C6orf163: variants seen among roughly 807,000 people sequenced by gnomAD.
The protein encoded by C6orf163 is chromosome 6 open reading frame 163.
Under a neutral mutation model 28.4 loss-of-function variants are expected in C6orf163, and 22 were observed. The observed-to-expected ratio is 0.78, with a 90% CI of 0.55 to 1.11. The LOEUF (loss-of-function observed/expected upper bound fraction) is 1.11. Ranked by LOEUF, C6orf163 falls within the 50% of genes least tolerant of loss-of-function variation. C6orf163 has a pLI of 0.00. For missense variants in C6orf163, 342 were observed against 389.1 expected (o/e 0.88, Z 1.02); for synonymous variants, 110 against 123.6 (o/e 0.89, Z 0.73).
intron 4 of C6orf163, among the ~76,000 whole-genome samples, chr6:87,360,345 T>A (rs1777563908): frequency 6.6e-6 from 1 of 152,152 alleles, no homozygotes; most frequent in African/African-American, 2.4e-5. Context: ...AAGAATTGGC[T>A]ATTTTCCTAT....
intron 4 of C6orf163, among the ~76,000 whole-genome samples, chr6:87,362,245 G>A (rs928146037): frequency 2.0e-5 from 3 of 152,206 alleles, no homozygotes; most frequent in Non-Finnish European, 4.4e-5. Context: ...GGGAGACCAA[G>A]GCGGGTGGAT....
intron 3 of C6orf163, among the ~76,000 whole-genome samples, chr6:87,351,959 A>G (rs896309784): frequency 1.7e-4 from 26 of 152,178 alleles, no homozygotes; most frequent in African/African-American, 6.0e-4. Context: ...GGAAGATGTG[A>G]TTCCTGTTTC....
At chr6:87,351,138 G>A (rs1406562654) in intron 3 of C6orf163, among the ~76,000 whole-genome samples, 3 of 152,142 alleles carry the variant, frequency 2.0e-5, no homozygotes, top group African/African-American at 7.2e-5. Context: ...CAAACTTTCA[G>A]GTGGAGACCC....
At chr6:87,361,847 C>T in intron 4 of C6orf163, among the ~76,000 whole-genome samples, 1 of 152,096 alleles carries the variant, frequency 6.6e-6, no homozygotes, top group African/African-American at 2.4e-5. Flanking sequence ...CTAGGCTTAA[C>T]CCATTCTCTC....
chr6:87,353,897 G>A (rs1017432941), intron 3 of C6orf163, among the ~76,000 whole-genome samples: 3 of 152,260 alleles, frequency 2.0e-5, no homozygotes, highest in African/African-American at 2.4e-5. Context: ...TGTAGCCCAC[G>A]CAGGAGTGCA....
intron 1 of C6orf163, chr6:87,347,265 T>G: frequency 9.5e-4 from 315 of 330,590 alleles, no homozygotes; most frequent in Non-Finnish European, 1.2e-3. Flanking sequence ...ACAATGCCCT[T>G]GAGATTCATC....
At chr6:87,356,596 G>A in intron 4 of C6orf163, 93 bp downstream of exon 4, 1 of 1,157,462 alleles carries the variant, frequency 8.6e-7, no homozygotes, top group Non-Finnish European at 1.2e-6. Context: ...GGTAGATATT[G>A]CCCAGTTTTT....
Position 87,365,167 on chromosome 6 carries a change from T to C in C6orf163, c.761T>C (p.Leu254Pro). 6.4e-7 allele frequency: 1 copy of C among 1,551,846 alleles called. No individual in the cohort carries two copies. Among genetic ancestry groups the C allele is most frequent in the Non-Finnish European group, 8.7e-7 (1 of 1,147,012 alleles). Residue 254 changes from leucine (L) to proline (P), a missense_variant, in exon 5 of 5, where the codon CTG (leucine) becomes CCG (proline). Leu to Pro is a moderately conservative substitution (Grantham distance 98). Transcript: ENST00000388923. ...ACTCTTGGCAATATGATGGATAAAC[T>C]GGCTAACACCCAGGGGGAGCTGCTG... is the stretch of plus-strand genomic sequence containing the variant. ...QATLGNMMDKLANTQGELLSI... is the reference protein window; with the variant it reads ...QATLGNMMDKPANTQGELLSI...
rs1354023738 is a variant in C6orf163 at position 87,362,716 on chromosome 6, T to G, written c.555-2245T>G. Among the ~76,000 whole-genome samples, 8 of 152,108 alleles carry G rather than the reference T, an allele frequency of 5.3e-5. No individual in the cohort carries two copies. In the East Asian group the frequency reaches 1.5e-3, roughly 29 times the overall value. On this transcript the variant is annotated intron_variant, in intron 4 of 4. Coordinates refer to ENST00000388923, the MANE Select transcript of C6orf163 (RefSeq NM_001010868.3). ...CAAGACTAGGGAAGTCTGTCAGGTT[T>G]GAAAGTCAAGTGGAAAGACTCAGAG...
rs1181536381 is a variant in C6orf163 at position 87,356,426 on chromosome 6, A to AGAG, written c.478_480dup (p.Glu160dup). 2 of 1,551,704 alleles carry AGAG rather than the reference A, an allele frequency of 1.3e-6. No homozygotes were observed. The highest frequency in any genetic ancestry group is 1.7e-6 in the Non-Finnish European group (2 of 1,147,016). ...AAAGGATTATGATGGAATGCCACAG[A>AGAG]GAGAAGGTCGAAGCTGTGGAGAAAG... On this transcript the variant is annotated inframe_insertion, in exon 4 of 5. Coordinates refer to ENST00000388923, the MANE Select transcript of C6orf163 (RefSeq NM_001010868.3).
At chr6:87,347,945 C>T in intron 1 of C6orf163, 1 of 853,864 alleles carries the variant, frequency 1.2e-6, no homozygotes, top group Non-Finnish European at 1.4e-6. Context: ...CACTTGAGGT[C>T]AAGAGTTCGA....
chr6:87,345,916 C>CAAAAAAAAA (rs3044136), intron 1 of C6orf163, among the ~76,000 whole-genome samples: 7,565 of 44,110 alleles, frequency 0.17, 1,269 homozygotes, highest in Non-Finnish European at 0.24. Context: ...GACTCTGCCT[C>CAAAAAAAAA]AAAAAAAAAA....
chr6:87,351,175 C>T lies in C6orf163; in HGVS notation c.351+674C>T, dbSNP rs559805491. 5.3e-5 allele frequency among the ~76,000 whole-genome samples: 8 copies of T among 152,202 alleles called. No homozygotes were observed. The South Asian group carries it at 1.2e-3, about 24-fold the overall frequency. Reference sequence around the variant, plus strand: ...AGGATTCATTGTTAGTTCAGTACCTCGATTACAAAATCTGCTCAAAGGAAA... The same window carrying T: ...AGGATTCATTGTTAGTTCAGTACCTTGATTACAAAATCTGCTCAAAGGAAA... On this transcript the variant is annotated intron_variant, in intron 3 of 4. Transcript: ENST00000388923.
At chr6:87,348,729 TC>T (rs1211869601) in intron 1 of C6orf163, 82 bp from the exon 2 acceptor site, 4 of 1,502,230 alleles carry the variant, frequency 2.7e-6, no homozygotes, top group Non-Finnish European at 3.5e-6. Flanking sequence ...TAAATAGCCC[TC>T]ATAAATAACT....
At position 87,365,178 on chromosome 6, in the gene C6orf163, CA is replaced by C; in HGVS notation, c.773del (p.Gln258ArgfsTer7). On this transcript the variant is annotated frameshift_variant, in exon 5 of 5. Coordinates refer to ENST00000388923, the MANE Select transcript of C6orf163 (RefSeq NM_001010868.3). LOFTEE classifies it high-confidence loss of function. ...TATGATGGATAAACTGGCTAACACCCAGGGGGAGCTGCTGTCTATAGCAAAA... is the reference window on the plus strand; with the variant it reads ...TATGATGGATAAACTGGCTAACACCCGGGGGAGCTGCTGTCTATAGCAAAA... ...GNMMDKLANT[Q>X]GELLSIAKQL... 1.9e-6 allele frequency: 3 copies of C among 1,551,812 alleles called. No homozygotes were observed. The highest frequency in any genetic ancestry group is 2.6e-6 in the Non-Finnish European group (3 of 1,147,012).
chr6:87,359,089 C>T (rs1296544516), intron 4 of C6orf163: 2 of 152,272 alleles, frequency 1.3e-5, no homozygotes, highest in African/African-American at 4.8e-5. Flanking sequence ...ATCACTAGAG[C>T]ATGGCTGCCC....
chr6:87,364,648 C>T (rs1409047136), intron 4 of C6orf163, among the ~76,000 whole-genome samples: 1 of 152,158 alleles, frequency 6.6e-6, no homozygotes, highest in Non-Finnish European at 1.5e-5. Flanking sequence ...TGACCCTTAT[C>T]TCCTCATTTT....
intron 4 of C6orf163, among the ~76,000 whole-genome samples, chr6:87,362,506 G>T (rs1035290256): frequency 6.6e-6 from 1 of 152,114 alleles, no homozygotes; most frequent in Non-Finnish European, 1.5e-5. Flanking sequence ...CAGCTTCAAT[G>T]GGTTATTGTG....
rs1030386204 is a variant in C6orf163 at position 87,365,113 on chromosome 6, T to C, written c.707T>C (p.Leu236Pro). 1.3e-6 allele frequency: 2 copies of C among 1,551,932 alleles called. No homozygotes were observed. The highest frequency in any genetic ancestry group is 1.2e-5 in the South Asian group (1 of 84,052). ...AGGCAAGAAGAGGTACAGGAAGTGC[T>C]TCAAGAAGCAGAGAAAACACATCAG... ...RQRQEEVQEV[L>P]QEAEKTHQAT... The change falls in exon 5 of 5, where the codon CTT becomes CCT. Residue 236 changes from leucine to proline, a missense_variant. Leu to Pro is a moderately conservative substitution (Grantham distance 98). Transcript: ENST00000388923.
Sources: allele counts gnomAD v4.1 joint callset (sites outside exome capture counted in the v4.1 genomes callset), GRCh38; gene constraint gnomAD v4.1.1; transcripts MANE v1.5; gene names NCBI Gene and HGNC (gene_info 2026-07-23, HGNC 2026-07-21).